Variants in LRRTM4 observed in about 807,000 individuals in gnomAD.
The protein encoded by LRRTM4 is leucine-rich repeat transmembrane neuronal protein 4.
LRRTM4 carries 25 observed loss-of-function variants against 47.6 expected under a neutral mutation model. That is an observed-to-expected ratio of 0.53 (90% confidence interval 0.38 to 0.73). LRRTM4 has a LOEUF of 0.73. Ranked by LOEUF, LRRTM4 falls within the 30% of genes least tolerant of loss-of-function variation. The pLI is 0.00. For missense variants in LRRTM4, 638 were observed against 713.4 expected (o/e 0.89, Z 1.20); for synonymous variants, 311 against 269.5 (o/e 1.15, Z -1.51).
At chr2:77,339,063 T>G (rs990694889) in intron 3 of LRRTM4, among the ~76,000 whole-genome samples, 2 of 151,520 alleles carry the variant, frequency 1.3e-5, no homozygotes, top group African/African-American at 4.8e-5. Context: ...TACAAAAACA[T>G]AAAGTTGGGA....
At chr2:76,966,877 T>C (rs754233926) in intron 3 of LRRTM4, among the ~76,000 whole-genome samples, 36 of 151,556 alleles carry the variant, frequency 2.4e-4, no homozygotes, top group Non-Finnish European at 4.3e-4. Context: ...TCAGATTGCT[T>C]GTATTGCCTT....
chr2:76,892,084 T>C (rs1007713878), intron 3 of LRRTM4, among the ~76,000 whole-genome samples: 4 of 151,724 alleles, frequency 2.6e-5, no homozygotes, highest in Non-Finnish European at 5.9e-5. Context: ...TTACTAAAAC[T>C]GAATTTAAAA....
At chr2:77,088,996 G>T (rs559595179) in intron 3 of LRRTM4, among the ~76,000 whole-genome samples, 1 of 152,006 alleles carries the variant, frequency 6.6e-6, no homozygotes, top group African/African-American at 2.4e-5. Flanking sequence ...AAACTCCGGC[G>T]CCGGTCACGG....
intron 3 of LRRTM4, among the ~76,000 whole-genome samples, chr2:76,929,849 GAATATA>G (rs931571686): frequency 3.3e-5 from 5 of 151,848 alleles, no homozygotes; most frequent in African/African-American, 1.2e-4. Context: ...CATGTTTTTA[GAATATA>G]AATATTTTTA....
At chr2:77,371,729 A>G (rs1199965241) in intron 3 of LRRTM4, among the ~76,000 whole-genome samples, 1 of 151,170 alleles carries the variant, frequency 6.6e-6, no homozygotes. Context: ...TTTTTTTTCT[A>G]TTGGCTCCTC....
chr2:77,217,463 A>ATATATATATATATATATATT (rs1674487842), intron 3 of LRRTM4, among the ~76,000 whole-genome samples: 2 of 140,308 alleles, frequency 1.4e-5, no homozygotes, highest in African/African-American at 5.3e-5. Context: ...ATATATATAT[A>ATATATATATATATATATATT]TATATACTAA....
chr2:76,964,805 TAAAG>T (rs1242233722), intron 3 of LRRTM4, among the ~76,000 whole-genome samples: 4 of 149,972 alleles, frequency 2.7e-5, no homozygotes, highest in South Asian at 2.1e-4. Flanking sequence ...AAACAATTAA[TAAAG>T]AGAGAGAGAT....
intron 3 of LRRTM4, chr2:77,517,691 GA>G: frequency 1.2e-6 from 1 of 865,740 alleles, no homozygotes; most frequent in Non-Finnish European, 1.3e-6. Flanking sequence ...AGGAAAGAAG[GA>G]AACAAAAAAA....
intron 3 of LRRTM4, among the ~76,000 whole-genome samples, chr2:77,060,135 T>TCTGGATTCTACCTTTGTTTGA (rs1679739678): frequency 1.3e-5 from 2 of 152,208 alleles, no homozygotes; most frequent in Admixed American, 1.3e-4. Context: ...AGTCAGTTTG[T>TCTGGATTCTACCTTTGTTTGA]CTGGATTCTA....
At chr2:76,847,778 T>G (rs1671879517) in intron 3 of LRRTM4, among the ~76,000 whole-genome samples, 1 of 152,144 alleles carries the variant, frequency 6.6e-6, no homozygotes, top group African/African-American at 2.4e-5. Flanking sequence ...ATTAACCATT[T>G]GTAAAGTTTC....
chr2:76,776,576 A>C (rs1233633902), intron 3 of LRRTM4, among the ~76,000 whole-genome samples: 1 of 152,184 alleles, frequency 6.6e-6, no homozygotes, highest in African/African-American at 2.4e-5. Flanking sequence ...GTGTCTGTTC[A>C]TGACCTTTGC....
chr2:76,780,300 A>T (rs933870657), intron 3 of LRRTM4, among the ~76,000 whole-genome samples: 1 of 152,148 alleles, frequency 6.6e-6, no homozygotes, highest in East Asian at 1.9e-4. Flanking sequence ...GAATCTGAAC[A>T]TTGGCTTGCC....
chr2:77,027,857 G>A (rs995325253), intron 3 of LRRTM4, among the ~76,000 whole-genome samples: 1 of 151,678 alleles, frequency 6.6e-6, no homozygotes, highest in African/African-American at 2.4e-5. Context: ...ATATCCAAAA[G>A]AATATGTTCA....
intron 3 of LRRTM4, among the ~76,000 whole-genome samples, chr2:77,128,155 A>AC (rs1671701871): frequency 6.9e-6 from 1 of 145,558 alleles, no homozygotes; most frequent in African/African-American, 2.6e-5. Context: ...AAAAAAAAAC[A>AC]AAACAAAACA....
At chr2:77,138,213 T>G (rs562151325) in intron 3 of LRRTM4, among the ~76,000 whole-genome samples, 2 of 152,168 alleles carry the variant, frequency 1.3e-5, no homozygotes, top group African/African-American at 4.8e-5. Flanking sequence ...ATTGACCACA[T>G]AGTTGGAAGT....
At chr2:77,156,807 C>T (rs777787879) in intron 3 of LRRTM4, among the ~76,000 whole-genome samples, 8 of 151,392 alleles carry the variant, frequency 5.3e-5, no homozygotes, top group Middle Eastern at 3.2e-3. Flanking sequence ...CCCTAGCCCA[C>T]GCAATTCTGC....
chr2:77,343,877 G>GA (rs1478965808), intron 3 of LRRTM4, among the ~76,000 whole-genome samples: 1 of 151,838 alleles, frequency 6.6e-6, no homozygotes, highest in African/African-American at 2.4e-5. Context: ...TAAAAACAAA[G>GA]AAAAAGCTAC....
At chr2:76,995,978 A>G (rs776751997) in intron 3 of LRRTM4, among the ~76,000 whole-genome samples, 1 of 152,120 alleles carries the variant, frequency 6.6e-6, no homozygotes, top group Non-Finnish European at 1.5e-5. Flanking sequence ...AGGTATGCAG[A>G]TAATGTAGTA....
intron 3 of LRRTM4, among the ~76,000 whole-genome samples, chr2:76,756,401 T>C (rs949480723): frequency 6.6e-6 from 1 of 152,074 alleles, no homozygotes. Context: ...TAAAACAGAG[T>C]TGCATTCTGA....
Sources: gnomAD v4.1 joint callset for allele counts (sites outside exome capture counted in the v4.1 genomes callset) on GRCh38, gnomAD v4.1.1 for gene constraint, MANE v1.5 for transcripts, NCBI Gene and HGNC (gene_info 2026-07-23, HGNC 2026-07-21) for gene names.